The following FPGS variants were observed in gnomAD, a reference collection of about 807,000 sequenced individuals.
FPGS encodes the protein folylpolyglutamate synthase.
In FPGS, 53 loss-of-function variants were observed where a neutral mutation model predicts 66.5. The ratio of observed to expected loss-of-function variants is 0.80; its 90% CI spans 0.64 to 1.00. FPGS has a LOEUF of 1.00. FPGS is among the 50% of genes least tolerant of loss of function. The probability of loss-of-function intolerance (pLI) is 0.00; values close to 1 mark genes in which losing one functional copy is unlikely to be tolerated. For missense variants in FPGS, 702 were observed against 807.7 expected, an observed-to-expected ratio of 0.87 and a Z score of 1.59; for synonymous variants, 348 against 350.9, an observed-to-expected ratio of 0.99 and a Z score of 0.09.
At chr9:127,808,181 A>G in intron 8 of FPGS, 53 bp from the exon 9 acceptor site, 1 of 1,329,824 alleles carries the variant, frequency 7.5e-7, no homozygotes. Flanking sequence ...GGCCAGAGAT[A>G]GGAGTGTGGA....
At position 127,810,103 on chromosome 9, in the gene FPGS, G is replaced by A. The variant is rs768605666; in HGVS notation, c.1284G>A (p.Leu428=). 16 of 1,613,012 alleles carry A rather than the reference G, an allele frequency of 9.9e-6. No individual in the cohort carries two copies. The highest frequency in any genetic ancestry group is 6.8e-6 in the Non-Finnish European group (8 of 1,179,802). Residue 428 remains leucine (L), a synonymous_variant, in exon 13 of 15, where the codon CTG becomes CTA. Coordinates refer to ENST00000373247, the MANE Select transcript of FPGS (RefSeq NM_004957.6). ...ACCCGGCGGCCCTGCTGAAGCTGCT[G>A]CAGGTGAGGGGCCAACTTGGGGGTG... ...DRDPAALLKL[L]QPCQFDYAVF... is the part of the protein sequence containing the mutation.
chr9:127,810,503 A>G (rs1830030110), intron 13 of FPGS, among the ~76,000 whole-genome samples: 1 of 152,032 alleles, frequency 6.6e-6, no homozygotes, highest in African/African-American at 2.4e-5. Context: ...TGAAGGAGTC[A>G]TTGGGCCTTT....
chr9:127,812,050 G>A (rs556464498), intron 14 of FPGS, among the ~76,000 whole-genome samples: 1 of 152,010 alleles, frequency 6.6e-6, no homozygotes, highest in Non-Finnish European at 1.5e-5. Context: ...GATCGTTTGA[G>A]CTCAGGAGTT....
At position 127,807,126 on chromosome 9, in the gene FPGS, G is replaced by C. The variant is rs1477096180; in HGVS notation, c.501+39G>C. On this transcript the variant is annotated intron_variant, in intron 5 of 14. Transcript: ENST00000373247. The surrounding 1 kb of genome is among the most constrained non-coding windows in gnomAD (Gnocchi z 5.8). The stretch of plus-strand genomic sequence containing the variant: ...GAGGGCTGGCGGGTGGGTATGGTTG[G>C]GGGTGCTACGTGTTCCAGCACCCCA... 8 of 1,610,242 alleles carry C rather than the reference G, an allele frequency of 5.0e-6. No homozygotes were observed. The Admixed American group carries it at 1.3e-4, about 27-fold the overall frequency.
chr9:127,809,250 TTCTGGAGGATGGTGATCCAGTCA>T (rs1829960011), intron 11 of FPGS, among the ~76,000 whole-genome samples: 2 of 152,172 alleles, frequency 1.3e-5, no homozygotes, highest in South Asian at 4.1e-4. Flanking sequence ...GACCCTGAGG[TTCTGGAGGATGGTGATCCAGTCA>T]TCTGCTTCTT....
At chr9:127,808,946 A>AAT in intron 11 of FPGS, 57 bp downstream of exon 11, 1 of 887,784 alleles carries the variant, frequency 1.1e-6, no homozygotes, top group Non-Finnish European at 1.6e-6. Flanking sequence ...GCCCCTTCAG[A>AAT]TTTTTTTTTT....
At chr9:127,810,152 T>A in intron 13 of FPGS, 46 bp downstream of exon 13, 1 of 1,541,982 alleles carries the variant, frequency 6.5e-7, no homozygotes, top group Non-Finnish European at 8.9e-7. Flanking sequence ...CCTGAAGCCC[T>A]GGGTCTGGCG....
Position 127,810,000 on chromosome 9 carries a change from C to A in FPGS, c.1212-31C>A, listed in dbSNP as rs1381957719. 1.9e-6 allele frequency: 3 copies of A among 1,596,228 alleles called. No homozygotes were observed. The East Asian group carries it at 6.8e-5, about 36-fold the overall frequency. ...GTACCGCAGGGAGAACGGGCGGCGCCCTTTGACCCAGCTCCTCACCTCTGT... is the reference window on the plus strand; with the variant it reads ...GTACCGCAGGGAGAACGGGCGGCGCACTTTGACCCAGCTCCTCACCTCTGT... On this transcript the variant is annotated intron_variant, in intron 12 of 14. Transcript: ENST00000373247.
rs1032402185 is a variant in FPGS at position 127,807,979 on chromosome 9, G to A, written c.745-255G>A. 9 of 573,074 alleles carry A rather than the reference G, an allele frequency of 1.6e-5. No individual in the cohort carries two copies. Among genetic ancestry groups the A allele is most frequent in the Non-Finnish European group, 2.8e-5 (9 of 323,110 alleles). 35.5% of individuals were successfully genotyped at this position (573,074 alleles called of 1,614,324 possible). A position where few individuals can be genotyped will look rare whatever the true frequency, so the allele number is the denominator to read the frequency against. The stretch of plus-strand genomic sequence containing the variant: ...AAATTAGCCAGGTGTGGTGGTGTAC[G>A]CCTGTAGTTCCAGCTACTTGGGAGA... On this transcript the variant is annotated intron_variant, in intron 8 of 14. Transcript: ENST00000373247. The surrounding 1 kb of genome is among the most constrained non-coding windows in gnomAD (Gnocchi z 5.8).
At position 127,809,686 on chromosome 9, in the gene FPGS, C is replaced by T. The variant is rs751830535; in HGVS notation, c.1063C>T (p.Leu355Phe). ...ACTGCCTTGCTGCCCTCCCCCAGGGCTTCGGAACACGGAGTGGCCGGGCCG... is the reference window on the plus strand; with the variant it reads ...ACTGCCTTGCTGCCCTCCCCCAGGGTTTCGGAACACGGAGTGGCCGGGCCG... ...FQPTSHMRLG[L>F]RNTEWPGRTQ... Residue 355 changes from leucine to phenylalanine, a missense_variant and splice_region_variant, in exon 12 of 15, where the codon CTT becomes TTT. Leu to Phe is a conservative substitution (Grantham distance 22). Transcript: ENST00000373247. 4.7e-5 allele frequency: 75 copies of T among 1,586,828 alleles called. No homozygotes were observed. Among genetic ancestry groups the T allele is most frequent in the Non-Finnish European group, 5.8e-5 (68 of 1,174,122 alleles).
Position 127,813,605 on chromosome 9 carries a change from C to T in FPGS, c.*1C>T. 2 of 1,512,950 alleles carry T rather than the reference C, an allele frequency of 1.3e-6. No homozygotes were observed. The highest frequency in any genetic ancestry group is 1.8e-6 in the Non-Finnish European group (2 of 1,128,584). 93.7% of individuals were successfully genotyped at this position (1,512,950 alleles called of 1,614,324 possible). A position where few individuals can be genotyped will look rare whatever the true frequency, so the allele number is the denominator to read the frequency against. ...GCTGGAGCCCGCACTGTCCCAGTAG[C>T]CAAGGCCCGGGGTTGGAGGTGGGAG... is the stretch of plus-strand genomic sequence containing the variant. On this transcript the variant is annotated 3_prime_UTR_variant, in exon 15 of 15. Transcript: ENST00000373247.
intron 14 of FPGS, among the ~76,000 whole-genome samples, chr9:127,812,991 G>A (rs758587644): frequency 2.0e-5 from 3 of 152,184 alleles, no homozygotes; most frequent in African/African-American, 4.8e-5. Flanking sequence ...TCTGCCTCTC[G>A]TGACCTTGGT....
intron 4 of FPGS, 190 bp downstream of exon 4, chr9:127,804,890 ATTTT>A: frequency 3.3e-5 from 16 of 483,770 alleles, no homozygotes; most frequent in South Asian, 4.7e-5. Flanking sequence ...GCAACCTTTA[ATTTT>A]TTTTTTTTTT....
In FPGS at chr9:127,806,973, C is replaced by T. The variant is rs762551719; in HGVS notation, c.387C>T (p.Ser129=). Residue 129 remains serine, a splice_region_variant and synonymous_variant, in exon 5 of 15, where the codon AGC becomes AGT. Transcript: ENST00000373247. The stretch of plus-strand genomic sequence containing the variant: ...CTGATGACCCCAGCTGTCCCGGCAG[C>T]TCTCCCCACCTGGTGCAGGTTCGGG... The part of the protein sequence containing the change: ...RSYGLKTGFF[S]SPHLVQVRER... 6.2e-7 allele frequency: 1 copy of T among 1,613,196 alleles called. No individual in the cohort carries two copies. Among genetic ancestry groups the T allele is most frequent in the Admixed American group, 1.7e-5 (1 of 60,024 alleles).
chr9:127,810,994 C>T lies in FPGS; in HGVS notation c.1337C>T (p.Ser446Leu). ...AVFCPNLTEVSSTGNADQQNF... is the reference protein window; with the variant it reads ...AVFCPNLTEVLSTGNADQQNF... ...TTCTGCCCTAACCTGACAGAGGTGTCATCCACAGGCAACGCAGGTGAGAGG... is the reference window on the plus strand; with the variant it reads ...TTCTGCCCTAACCTGACAGAGGTGTTATCCACAGGCAACGCAGGTGAGAGG... Residue 446 changes from serine to leucine, a missense_variant, in exon 14 of 15, where the codon TCA becomes TTA. By Grantham distance (145) the Ser-to-Leu change is moderately radical (BLOSUM62 -2). This residue lies in a region of FPGS where 351 missense variants were observed against 363.7 expected (regional missense o/e 0.97). Coordinates refer to ENST00000373247, the MANE Select transcript of FPGS (RefSeq NM_004957.6). 1 of 1,590,326 alleles carries T rather than the reference C, an allele frequency of 6.3e-7. No individual in the cohort carries two copies.
intron 4 of FPGS, among the ~76,000 whole-genome samples, chr9:127,805,282 G>T (rs970367713): frequency 1.3e-5 from 2 of 152,018 alleles, no homozygotes; most frequent in African/African-American, 4.8e-5. Context: ...GGTGGCTCAT[G>T]CCTATAATCC....
At chr9:127,803,995 G>C (rs1310142434) in intron 1 of FPGS, among the ~76,000 whole-genome samples, 2 of 152,242 alleles carry the variant, frequency 1.3e-5, no homozygotes, top group African/African-American at 2.4e-5. Flanking sequence ...CAGGAGTGAA[G>C]TCGGGGGAGC....
chr9:127,809,870 C>G lies in FPGS; in HGVS notation c.1211+36C>G, dbSNP rs764377397. 26 of 1,388,320 alleles carry G rather than the reference C, an allele frequency of 1.9e-5. No homozygotes were observed. The South Asian group carries it at 3.6e-4, about 19-fold the overall frequency. 86.0% of individuals were successfully genotyped at this position (1,388,320 alleles called of 1,614,324 possible). A position where few individuals can be genotyped will look rare whatever the true frequency, so the allele number is the denominator to read the frequency against. On this transcript the variant is annotated intron_variant, in intron 12 of 14. Coordinates refer to ENST00000373247, the MANE Select transcript of FPGS (RefSeq NM_004957.6). ...GGGCTGGGGGTGGGGCCGGGGCTGG[C>G]CCACGAGGAGGGGCGGGATCTTGGG...
Position 127,806,838 on chromosome 9 carries a change from G to T in FPGS, c.387-135G>T, listed in dbSNP as rs903541760. On this transcript the variant is annotated intron_variant, in intron 4 of 14. Coordinates refer to ENST00000373247, the MANE Select transcript of FPGS (RefSeq NM_004957.6). ...CTGGGGGGCTACAGATAGTCCGGGG[G>T]GATGGGGCACCAGGAACAAACCGAG... The T allele has an allele frequency of 1.2e-5, 8 of 676,778 alleles. No individual in the cohort carries two copies. In the African/African-American group the frequency reaches 1.2e-4, roughly 10 times the overall value. The allele number at this position is 676,778 out of a possible 1,614,324, so 41.9% of individuals were successfully genotyped here. A position where few individuals can be genotyped will look rare whatever the true frequency, so the allele number is the denominator to read the frequency against.
Sources: allele counts gnomAD v4.1 joint callset (sites outside exome capture counted in the v4.1 genomes callset), GRCh38; gene constraint gnomAD v4.1.1; regional missense constraint gnomAD v4.1.1; non-coding constraint Gnocchi (gnomAD v3.1); transcripts MANE v1.5; gene names NCBI Gene and HGNC (gene_info 2026-07-23, HGNC 2026-07-21).